EFR3A: variants seen among roughly 807,000 people sequenced by gnomAD.
EFR3A encodes protein EFR3 homolog A.
In EFR3A, 76 loss-of-function variants were observed where a neutral mutation model predicts 104.4. That is an observed-to-expected ratio of 0.73 (90% CI 0.60 to 0.88). EFR3A has a LOEUF of 0.88. Ranked by LOEUF, EFR3A falls within the 40% of genes least tolerant of loss-of-function variation. The pLI is 0.00. For missense variants in EFR3A, 985 were observed against 1,012.5 expected, an observed-to-expected ratio of 0.97 and a Z score of 0.37; for synonymous variants, 330 against 330.0, an observed-to-expected ratio of 1.00 and a Z score of 0.00.
At chr8:131,961,855 G>A (rs946635352) in intron 8 of EFR3A, among the ~76,000 whole-genome samples, 3 of 152,222 alleles carry the variant, frequency 2.0e-5, no homozygotes, top group African/African-American at 7.2e-5. Flanking sequence ...AGTAACAGCG[G>A]ATCTCTTGGC....
At chr8:132,001,914 A>T in intron 20 of EFR3A, 107 bp downstream of exon 20, 1 of 962,970 alleles carries the variant, frequency 1.0e-6, no homozygotes, top group East Asian at 2.4e-5. Flanking sequence ...AATAAACCAA[A>T]GAAACTTGTT....
intron 8 of EFR3A, among the ~76,000 whole-genome samples, chr8:131,966,998 A>G (rs903456741): frequency 6.6e-6 from 1 of 152,136 alleles, no homozygotes; most frequent in African/African-American, 2.4e-5. Context: ...ATAATTATTG[A>G]TAATACCTCC....
chr8:131,949,522 G>A (rs1818595513), intron 4 of EFR3A, among the ~76,000 whole-genome samples: 1 of 152,016 alleles, frequency 6.6e-6, no homozygotes, highest in South Asian at 2.1e-4. Flanking sequence ...AGTTTCTTTT[G>A]GGTTGGTGCA....
At chr8:131,931,033 A>G (rs542270798) in intron 1 of EFR3A, among the ~76,000 whole-genome samples, 14 of 152,256 alleles carry the variant, frequency 9.2e-5, no homozygotes, top group East Asian at 3.9e-4. Context: ...CTCTAGAGCA[A>G]TGGCTCCCGA....
At chr8:131,908,933 G>T (rs1231199276) in intron 1 of EFR3A, among the ~76,000 whole-genome samples, 1 of 152,170 alleles carries the variant, frequency 6.6e-6, no homozygotes, top group East Asian at 1.9e-4. Context: ...TAACAATCAG[G>T]TCAGGGTATT....
At chr8:131,912,454 C>G (rs1023680846) in intron 1 of EFR3A, among the ~76,000 whole-genome samples, 7 of 152,172 alleles carry the variant, frequency 4.6e-5, no homozygotes, top group Non-Finnish European at 1.0e-4. Context: ...TACCAAAAGA[C>G]TTAACACTAA....
In EFR3A at chr8:131,968,475, A is replaced by C. The variant is rs895581695; in HGVS notation, c.991+45A>C. On this transcript the variant is annotated intron_variant, in intron 9 of 22. Coordinates refer to ENST00000254624, the MANE Select transcript of EFR3A (RefSeq NM_015137.6). ...ATAAAATAGTGCGTTGATCTGGTTC[A>C]AAGTGTCCTTTCAGTATGCATAGCA... 3 of 1,595,544 alleles carry C rather than the reference A, an allele frequency of 1.9e-6. No individual in the cohort carries two copies. In the Admixed American group the frequency reaches 5.1e-5, roughly 27 times the overall value.
At chr8:131,952,133 TACC>T (rs916628157) in intron 5 of EFR3A, among the ~76,000 whole-genome samples, 15 of 151,728 alleles carry the variant, frequency 9.9e-5, no homozygotes, top group Admixed American at 7.2e-4. Context: ...TGGTAGAAAT[TACC>T]ACCACCACCA....
chr8:131,963,250 A>G (rs548244288), intron 8 of EFR3A, among the ~76,000 whole-genome samples: 39 of 152,334 alleles, frequency 2.6e-4, no homozygotes, highest in Admixed American at 2.2e-3. Flanking sequence ...TAGAGACACA[A>G]AAAACCCTTC....
chr8:131,915,531 C>T (rs1813469479), intron 1 of EFR3A, among the ~76,000 whole-genome samples: 1 of 152,092 alleles, frequency 6.6e-6, no homozygotes, highest in African/African-American at 2.4e-5. Context: ...AAAAGTTTAC[C>T]TTATTTATAG....
intron 1 of EFR3A, chr8:131,935,531 A>G (rs1281645037): frequency 6.7e-6 from 3 of 446,090 alleles, no homozygotes; most frequent in South Asian, 4.8e-5. Flanking sequence ...AGCCATACAT[A>G]TGTCAGTCAA....
intron 8 of EFR3A, among the ~76,000 whole-genome samples, chr8:131,964,702 T>C (rs368780031): frequency 1.3e-5 from 2 of 152,066 alleles, no homozygotes; most frequent in Admixed American, 6.6e-5. Context: ...ACTTTCTTCA[T>C]AGAATTGGAA....
intron 19 of EFR3A, among the ~76,000 whole-genome samples, chr8:132,000,174 G>T (rs1422374333): frequency 6.6e-6 from 1 of 152,110 alleles, no homozygotes; most frequent in African/African-American, 2.4e-5. Context: ...TGTCACCCAG[G>T]CTGGAGTGCA....
intron 19 of EFR3A, among the ~76,000 whole-genome samples, chr8:131,998,520 A>G (rs1174955215): frequency 2.6e-5 from 4 of 152,156 alleles, no homozygotes; most frequent in African/African-American, 4.8e-5. Context: ...ACTCTAGTCT[A>G]TTGAAATACC....
chr8:131,959,613 C>G lies in EFR3A; in HGVS notation c.805C>G (p.Pro269Ala). 1 of 1,611,854 alleles carries G rather than the reference C, an allele frequency of 6.2e-7. No individual in the cohort carries two copies. Among genetic ancestry groups the G allele is most frequent in the Non-Finnish European group, 8.5e-7 (1 of 1,179,170 alleles). ...AHLDHHKLWD[P>A]NEFAVHCFKI... Reference sequence around the variant, plus strand: ...TTTAGATCATCACAAACTGTGGGATCCCAATGAATTTGCAGTTCACTGCTT... The same window carrying G: ...TTTAGATCATCACAAACTGTGGGATGCCAATGAATTTGCAGTTCACTGCTT... Residue 269 changes from proline (P) to alanine (A), a missense_variant, in exon 8 of 23, where the codon CCC becomes GCC. Pro to Ala is a conservative substitution (Grantham distance 27). Coordinates refer to ENST00000254624, the MANE Select transcript of EFR3A (RefSeq NM_015137.6).
At chr8:132,008,186 A>G (rs1021777897) in intron 22 of EFR3A, among the ~76,000 whole-genome samples, 7 of 152,110 alleles carry the variant, frequency 4.6e-5, no homozygotes, top group African/African-American at 1.4e-4. Flanking sequence ...CACAATACCA[A>G]TATCTGATAA....
intron 18 of EFR3A, among the ~76,000 whole-genome samples, chr8:131,993,234 G>A (rs1750896324): frequency 6.6e-6 from 1 of 152,156 alleles, no homozygotes; most frequent in Non-Finnish European, 1.5e-5. Context: ...AGTTCTTAAT[G>A]GTTTGAAACA....
At chr8:131,955,646 A>G (rs1818937526) in intron 6 of EFR3A, 122 bp from the exon 7 acceptor site, 1 of 970,558 alleles carries the variant, frequency 1.0e-6, no homozygotes, top group Non-Finnish European at 1.5e-6. Flanking sequence ...ATTAAGCTAT[A>G]TATTTTCTGG....
At chr8:131,987,948 C>G (rs1820977402) in intron 18 of EFR3A, among the ~76,000 whole-genome samples, 1 of 151,970 alleles carries the variant, frequency 6.6e-6, no homozygotes, top group South Asian at 2.1e-4. Context: ...TTTATTGTTA[C>G]AATACTTAAT....
Sources: gnomAD v4.1 joint callset for allele counts (sites outside exome capture counted in the v4.1 genomes callset) on GRCh38, gnomAD v4.1.1 for gene constraint, MANE v1.5 for transcripts, NCBI Gene and HGNC (gene_info 2026-07-23, HGNC 2026-07-21) for gene names.